The following PPP2R3C variants were observed in gnomAD, a reference collection of about 807,000 sequenced individuals.
PPP2R3C encodes the protein serine/threonine-protein phosphatase 2A regulatory subunit B'' subunit gamma.
PPP2R3C carries 47 observed loss-of-function variants against 63.7 expected under a neutral mutation model. The observed-to-expected ratio is 0.74, with a 90% CI of 0.58 to 0.94. The LOEUF is 0.94. Among genes scored for constraint, PPP2R3C ranks in the 40% least tolerant of loss-of-function variants. PPP2R3C has a pLI of 0.00. For missense variants in PPP2R3C, 421 were observed against 518.4 expected (o/e 0.81, Z 1.82); for synonymous variants, 180 against 177.4 (o/e 1.01, Z -0.12).
Position 35,110,842 on chromosome 14 carries a change from A to G in PPP2R3C, c.187-213T>C, listed in dbSNP as rs943911867. 21 of 493,266 alleles carry G rather than the reference A, an allele frequency of 4.3e-5. No homozygotes were observed. The South Asian group carries it at 4.8e-4, about 11-fold the overall frequency. 30.6% of individuals were successfully genotyped at this position (493,266 alleles called of 1,614,324 possible). On this transcript the variant is annotated intron_variant, in intron 2 of 12. Coordinates refer to ENST00000261475, the MANE Select transcript of PPP2R3C (RefSeq NM_017917.4). ...TCTGCCCTGAAAAAGCCATTCTAAA[A>G]GCTAGTCTAGACCAAGTTTCATTTT...
chr14:35,112,873 C>T (rs553899671), intron 2 of PPP2R3C: 1 of 152,350 alleles, frequency 6.6e-6, no homozygotes, highest in South Asian at 2.1e-4. Context: ...GGTCTTTAGA[C>T]AAACTCAGCC....
intron 7 of PPP2R3C, among the ~76,000 whole-genome samples, chr14:35,098,102 T>C (rs564361422): frequency 3.9e-5 from 6 of 152,082 alleles, no homozygotes; most frequent in Non-Finnish European, 7.4e-5. Flanking sequence ...TGAAAAAGTA[T>C]ATATGTGTGT....
At chr14:35,111,241 A>C (rs896693661) in intron 2 of PPP2R3C, among the ~76,000 whole-genome samples, 1 of 150,900 alleles carries the variant, frequency 6.6e-6, no homozygotes, top group Non-Finnish European at 1.5e-5. Context: ...CTACCAAAAA[A>C]AAAAAAAAAA....
At chr14:35,108,071 T>C (rs775283288) in intron 5 of PPP2R3C, 68 bp downstream of exon 5, 3 of 1,567,008 alleles carry the variant, frequency 1.9e-6, no homozygotes, top group East Asian at 2.3e-5. Flanking sequence ...GAAATACTTA[T>C]AAAAGCACAG....
intron 6 of PPP2R3C, among the ~76,000 whole-genome samples, chr14:35,103,102 G>T (rs759847757): frequency 7.2e-5 from 11 of 152,108 alleles, no homozygotes; most frequent in Non-Finnish European, 1.5e-4. Flanking sequence ...CATCCAGAAT[G>T]ATCTTTTAAA....
chr14:35,096,829 A>G, intron 7 of PPP2R3C, 65 bp from the exon 8 acceptor site: 1 of 1,427,010 alleles, frequency 7.0e-7, no homozygotes, highest in South Asian at 1.4e-5. Flanking sequence ...ATTAATTAAA[A>G]AAAAATTTTT....
At chr14:35,099,859 C>T (rs2046128190) in intron 6 of PPP2R3C, 1 of 155,404 alleles carries the variant, frequency 6.4e-6, no homozygotes, top group South Asian at 2.0e-4. Flanking sequence ...CCTGCCTCAG[C>T]CTCCTGAGTA....
intron 6 of PPP2R3C, chr14:35,102,023 CT>C: frequency 7.1e-6 from 1 of 139,884 alleles, no homozygotes; most frequent in African/African-American, 2.7e-5. Flanking sequence ...CATGGTTTCT[CT>C]CTCTCTTTTT....
chr14:35,085,652 CG>C lies in PPP2R3C; in HGVS notation c.1299del (p.Tyr433Ter), dbSNP rs779675283. 3 of 1,613,638 alleles carry C rather than the reference CG, an allele frequency of 1.9e-6. No individual in the cohort carries two copies. Among genetic ancestry groups the C allele is most frequent in the South Asian group, 1.1e-5 (1 of 90,986 alleles). ...TTTGCAACAAGAGCCTCTCTGTTCT[CG>C]TAAGTCCAGAAGCCATTCAAATCGA... Reference protein sequence around the residue: ...ILIDLNGFWTYENREALVAND... With the variant: ...ILIDLNGFWTXENREALVAND... On this transcript the variant is annotated frameshift_variant, in exon 13 of 13. Coordinates refer to ENST00000261475, the MANE Select transcript of PPP2R3C (RefSeq NM_017917.4). LOFTEE classifies it high-confidence loss of function.
chr14:35,095,699 C>T (rs886619399), intron 9 of PPP2R3C, among the ~76,000 whole-genome samples: 1 of 139,204 alleles, frequency 7.2e-6, no homozygotes, highest in African/African-American at 2.6e-5. Flanking sequence ...AAAAAAAAAA[C>T]ATTAGCCGGG....
In PPP2R3C at chr14:35,107,316, G is replaced by T. The variant is rs201660882; in HGVS notation, c.561C>A (p.Tyr187Ter). 1.2e-6 allele frequency: 2 copies of T among 1,603,224 alleles called. No homozygotes were observed. The highest frequency in any genetic ancestry group is 1.7e-6 in the Non-Finnish European group (2 of 1,170,282). Residue 187 changes from tyrosine (Y) to a stop codon, truncating the protein, a stop_gained, in exon 6 of 13, where the codon TAC (tyrosine) becomes TAA (stop). Transcript: ENST00000261475. LOFTEE classifies it high-confidence loss of function. The stretch of plus-strand genomic sequence containing the variant: ...GGTTAACACTTACAGATTCCCGAAG[G>T]TACCCCTGCCCAGCGACATCATATA... The part of the protein sequence containing the change: ...LSLYDVAGQG[Y>*]LRESDLENYI...
chr14:35,105,063 CG>C lies in PPP2R3C; in HGVS notation c.573+2240del, dbSNP rs1275162942. ...TTATATTTTCTTAAAAAAAAAAAAG[CG>C]GGGGGGTGGAATTCTTGGCCCTTTA... On this transcript the variant is annotated intron_variant, in intron 6 of 12. Transcript: ENST00000261475. Among the ~76,000 whole-genome samples, 12 of 150,188 alleles carry C rather than the reference CG, an allele frequency of 8.0e-5. No individual in the cohort carries two copies. The South Asian group carries it at 2.1e-3, about 26-fold the overall frequency.
intron 11 of PPP2R3C, among the ~76,000 whole-genome samples, chr14:35,090,102 CAG>C (rs1362527206): frequency 6.6e-6 from 1 of 152,024 alleles, no homozygotes; most frequent in South Asian, 2.1e-4. Flanking sequence ...AAATATACGT[CAG>C]GGGCTGTACT....
At chr14:35,094,655 G>T (rs1243914254) in intron 10 of PPP2R3C, among the ~76,000 whole-genome samples, 2 of 114,540 alleles carry the variant, frequency 1.7e-5, no homozygotes, top group African/African-American at 3.1e-5. Context: ...TAAAGACACT[G>T]TTACACAGTG....
chr14:35,108,068 T>G (rs1253065482), intron 5 of PPP2R3C, 71 bp downstream of exon 5: 10 of 1,552,244 alleles, frequency 6.4e-6, no homozygotes, highest in Non-Finnish European at 8.7e-7. Flanking sequence ...GAAGAAATAC[T>G]TATAAAAGCA....
chr14:35,122,080 TG>T, upstream of PPP2R3C: 2 of 1,024,172 alleles, frequency 2.0e-6, no homozygotes, highest in Non-Finnish European at 3.0e-6. Context: ...ACCACCATCT[TG>T]ATCGAGGGCG....
intron 6 of PPP2R3C, chr14:35,101,910 G>T (rs1018893550): frequency 6.6e-6 from 1 of 152,056 alleles, no homozygotes; most frequent in Non-Finnish European, 1.5e-5. Flanking sequence ...TTGCCCTATA[G>T]ATCTTTAAAA....
chr14:35,095,257 GT>G (rs1283243077), intron 9 of PPP2R3C, 73 bp from the exon 10 acceptor site: 17 of 1,458,050 alleles, frequency 1.2e-5, no homozygotes, highest in Non-Finnish European at 1.6e-5. Context: ...CTAACAAAAA[GT>G]TTTTTCTTGG....
intron 6 of PPP2R3C, 97 bp from the exon 7 acceptor site, chr14:35,099,481 T>G: frequency 7.5e-7 from 1 of 1,338,234 alleles, no homozygotes; most frequent in South Asian, 1.6e-5. Flanking sequence ...AATACTATAT[T>G]GATAAAGAAA....
Sources: allele counts gnomAD v4.1 joint callset (sites outside exome capture counted in the v4.1 genomes callset), GRCh38; gene constraint gnomAD v4.1.1; transcripts MANE v1.5; gene names NCBI Gene and HGNC (gene_info 2026-07-23, HGNC 2026-07-21).